PRKAG2: variants seen among roughly 807,000 people sequenced by gnomAD.
PRKAG2 encodes the protein 5'-AMP-activated protein kinase subunit gamma-2.
PRKAG2 carries 26 observed loss-of-function variants against 69.6 expected under a neutral mutation model. The ratio of observed to expected loss-of-function variants is 0.37; its 90% CI spans 0.27 to 0.52. PRKAG2 has a LOEUF of 0.52. PRKAG2 is among the 20% of genes least tolerant of loss of function. PRKAG2 has a pLI of 0.90. For missense variants in PRKAG2, 557 were observed against 740.0 expected (o/e 0.75, Z 2.87); for synonymous variants, 293 against 285.0 (o/e 1.03, Z -0.28).
intron 3 of PRKAG2, among the ~76,000 whole-genome samples, chr7:151,757,900 G>T (rs1418253823): frequency 6.6e-6 from 1 of 152,238 alleles, no homozygotes. Context: ...GTATGTGCTG[G>T]ATTATGCCAT....
chr7:151,855,395 T>C (rs1478053864), intron 1 of PRKAG2, among the ~76,000 whole-genome samples: 1 of 14,006 alleles, frequency 7.1e-5, no homozygotes, highest in Non-Finnish European at 1.4e-4. Flanking sequence ...ACACACACCA[T>C]CCACACACCA....
At chr7:151,698,172 C>T (rs1265902622) in intron 3 of PRKAG2, among the ~76,000 whole-genome samples, 4 of 152,216 alleles carry the variant, frequency 2.6e-5, no homozygotes, top group Non-Finnish European at 4.4e-5. Context: ...TCGGGAGGAG[C>T]GCCGCCAGCT....
rs1259238758 is a variant in PRKAG2 at position 151,583,984 on chromosome 7, G to T, written c.865-7532C>A. Reference sequence around the variant, plus strand: ...ACTGCTTTCTACACAGCTTCACTCTGATTTTCAGTAATTAAGTTGACTGTG... The same window carrying T: ...ACTGCTTTCTACACAGCTTCACTCTTATTTTCAGTAATTAAGTTGACTGTG... On this transcript the variant is annotated intron_variant, in intron 6 of 15. Coordinates refer to ENST00000287878, the MANE Select transcript of PRKAG2 (RefSeq NM_016203.4). The surrounding 1 kb of genome is among the most constrained non-coding windows in gnomAD (Gnocchi z 4.1). Among the ~76,000 whole-genome samples the T allele has an allele frequency of 6.6e-6, 1 of 152,190 alleles. No homozygotes were observed. Among genetic ancestry groups the T allele is most frequent in the Non-Finnish European group, 1.5e-5 (1 of 68,040 alleles).
rs2076693504 is a variant in PRKAG2 at position 151,781,981 on chromosome 7, C to T, written c.187-550G>A. On this transcript the variant is annotated intron_variant, in intron 2 of 15. Coordinates refer to ENST00000287878, the MANE Select transcript of PRKAG2 (RefSeq NM_016203.4). This position sits in a 1 kb window ranked among gnomAD's most constrained non-coding sequence, Gnocchi z 6.1. ...GCCAACAGAAGTCAGGAGAAAAGTT[C>T]ACAAAGCCAGCCGGGTACGGTGACT... Among the ~76,000 whole-genome samples, 1 of 152,056 alleles carries T rather than the reference C, an allele frequency of 6.6e-6. No homozygotes were observed. The highest frequency in any genetic ancestry group is 2.1e-4 in the South Asian group (1 of 4,826).
At chr7:151,672,612 A>G (rs898698695) in intron 4 of PRKAG2, among the ~76,000 whole-genome samples, 6 of 151,762 alleles carry the variant, frequency 4.0e-5, no homozygotes, top group African/African-American at 1.5e-4. Context: ...GGACTCCTAT[A>G]AGTGGCATTA....
chr7:151,860,248 C>T (rs908991115), intron 1 of PRKAG2, among the ~76,000 whole-genome samples: 5 of 152,232 alleles, frequency 3.3e-5, no homozygotes, highest in Non-Finnish European at 7.3e-5. Context: ...AAAGGGGGCA[C>T]CAGGACAGGC....
intron 4 of PRKAG2, among the ~76,000 whole-genome samples, chr7:151,661,692 T>C (rs1442264038): frequency 6.6e-6 from 1 of 152,038 alleles, no homozygotes; most frequent in Non-Finnish European, 1.5e-5. Flanking sequence ...GTGGAAAAAA[T>C]ACACAACCCT....
At position 151,632,056 on chromosome 7, in the gene PRKAG2, G is replaced by T; in HGVS notation, c.754+13C>A. On this transcript the variant is annotated intron_variant, in intron 5 of 15. Transcript: ENST00000287878. The surrounding 1 kb of genome is among the most constrained non-coding windows in gnomAD (Gnocchi z 4.2). ...TGGGAGCGCCGGGCCGGCAGCGGGC[G>T]GGGCGCACTCACCTTCGTCCTCGAA... 1 of 1,375,380 alleles carries T rather than the reference G, an allele frequency of 7.3e-7. No individual in the cohort carries two copies. 85.2% of individuals were successfully genotyped at this position (1,375,380 alleles called of 1,614,324 possible).
intron 3 of PRKAG2, among the ~76,000 whole-genome samples, chr7:151,749,405 G>A (rs1392656343): frequency 1.3e-5 from 2 of 152,112 alleles, no homozygotes; most frequent in African/African-American, 4.8e-5. Flanking sequence ...TTCAGTAAGC[G>A]TTCAGTGTCT....
chr7:151,832,178 T>C (rs1409619252), intron 1 of PRKAG2, among the ~76,000 whole-genome samples: 2 of 145,288 alleles, frequency 1.4e-5, no homozygotes, highest in Non-Finnish European at 3.0e-5. Context: ...CCCAACCCAA[T>C]AGGGTGGACA....
intron 1 of PRKAG2, among the ~76,000 whole-genome samples, chr7:151,846,077 A>C (rs779476223): frequency 4.6e-5 from 7 of 152,316 alleles, no homozygotes; most frequent in Non-Finnish European, 1.0e-4. Context: ...GCGGTGTGTG[A>C]GCTGACACGA....
chr7:151,727,950 C>G (rs9640176), intron 3 of PRKAG2, among the ~76,000 whole-genome samples: 9,515 of 152,266 alleles, frequency 0.062, 878 homozygotes, highest in African/African-American at 0.2. Context: ...CAGTCATGCT[C>G]TTAGCCTCAG....
chr7:151,672,828 C>T (rs1281210587), intron 4 of PRKAG2, among the ~76,000 whole-genome samples: 11 of 152,118 alleles, frequency 7.2e-5, no homozygotes, highest in South Asian at 2.1e-4. Context: ...TGCTGCCAGC[C>T]GCGTGCTGGG....
chr7:151,734,703 C>T (rs1799480035), intron 3 of PRKAG2, among the ~76,000 whole-genome samples: 1 of 152,148 alleles, frequency 6.6e-6, no homozygotes, highest in Non-Finnish European at 1.5e-5. Flanking sequence ...GCATGTGCCA[C>T]CATGCTCGGC....
intron 1 of PRKAG2, among the ~76,000 whole-genome samples, chr7:151,798,408 G>A (rs767344634): frequency 1.2e-4 from 18 of 152,020 alleles, no homozygotes; most frequent in East Asian, 7.7e-4. Flanking sequence ...TCCGCCTCCC[G>A]GGTTCAAGCG....
At chr7:151,692,383 C>A (rs2151533042) in intron 3 of PRKAG2, among the ~76,000 whole-genome samples, 1 of 152,210 alleles carries the variant, frequency 6.6e-6, no homozygotes. Context: ...ATTTATACAA[C>A]ATTCTGGAAA....
Position 151,557,043 on chromosome 7 carries a change from T to C in PRKAG2, c.*158A>G. 8.0e-7 allele frequency: 1 copy of C among 1,257,060 alleles called. No individual in the cohort carries two copies. The highest frequency in any genetic ancestry group is 1.1e-6 in the Non-Finnish European group (1 of 880,974). The allele number at this position is 1,257,060 out of a possible 1,614,324, so 77.9% of individuals were successfully genotyped here. On this transcript the variant is annotated 3_prime_UTR_variant, in exon 16 of 16. Coordinates refer to ENST00000287878, the MANE Select transcript of PRKAG2 (RefSeq NM_016203.4). Reference sequence around the variant, plus strand: ...CCTGAATCTTCAAGCACATAAAATCTTTCTTTTTTAAGCTTAATTTCAACA... The same window carrying C: ...CCTGAATCTTCAAGCACATAAAATCCTTCTTTTTTAAGCTTAATTTCAACA...
At chr7:151,681,750 C>A (rs1833919038) in intron 3 of PRKAG2, among the ~76,000 whole-genome samples, 1 of 152,090 alleles carries the variant, frequency 6.6e-6, no homozygotes, top group Non-Finnish European at 1.5e-5. Context: ...GCTCCACTGT[C>A]CTGACTCTAT....
Position 151,568,787 on chromosome 7 carries a change from T to A in PRKAG2, c.1162A>T (p.Ile388Phe). ...IKNKIHRLPV[I>F]DPISGNALYI... ...AGTGCATTCCCACTGATAGGGTCAA[T>A]AACGGGCAATCTGTGGATTTTATTT... The change falls in exon 11 of 16, where the codon ATT (isoleucine) becomes TTT (phenylalanine). Residue 388 changes from isoleucine to phenylalanine, a missense_variant. Around this residue, in one of 2 missense-constraint regions of PRKAG2, gnomAD observed 205 missense variants for 383.4 expected, o/e 0.53. Transcript: ENST00000287878. 6.2e-7 allele frequency: 1 copy of A among 1,613,910 alleles called. No individual in the cohort carries two copies. The highest frequency in any genetic ancestry group is 8.5e-7 in the Non-Finnish European group (1 of 1,179,824).
Sources: gnomAD v4.1 joint callset for allele counts (sites outside exome capture counted in the v4.1 genomes callset) on GRCh38, gnomAD v4.1.1 for gene constraint, gnomAD v4.1.1 regional missense constraint, Gnocchi (gnomAD v3.1) non-coding constraint, MANE v1.5 for transcripts, NCBI Gene and HGNC (gene_info 2026-07-23, HGNC 2026-07-21) for gene names.